The following MAML3 variants were observed in gnomAD, a reference collection of about 807,000 sequenced individuals.
The protein encoded by MAML3 is mastermind-like protein 3.
A neutral mutation model predicts 101.9 loss-of-function variants in MAML3; 27 were observed. The observed-to-expected ratio is 0.27, with a 90% CI of 0.20 to 0.37. MAML3 has a LOEUF of 0.37. MAML3 is among the 10% of genes least tolerant of loss of function. MAML3 has a pLI of 1.00. For synonymous variants in MAML3, 501 were observed against 555.9 expected (o/e 0.90, Z 1.39); for missense variants, 1,316 against 1,444.9 (o/e 0.91, Z 1.45).
intron 1 of MAML3, among the ~76,000 whole-genome samples, chr4:139,993,090 G>T (rs950079256): frequency 1.2e-4 from 19 of 152,176 alleles, no homozygotes; most frequent in African/African-American, 4.6e-4. Context: ...AGTGGCTTAT[G>T]CCTGTAATCC....
chr4:139,860,572 G>C (rs1011303692), intron 2 of MAML3, among the ~76,000 whole-genome samples: 1 of 152,162 alleles, frequency 6.6e-6, no homozygotes, highest in Non-Finnish European at 1.5e-5. Flanking sequence ...CTCAGGAAAG[G>C]CGGGCTTTGT....
At chr4:140,037,724 G>A (rs894485294) in intron 1 of MAML3, among the ~76,000 whole-genome samples, 1 of 152,108 alleles carries the variant, frequency 6.6e-6, no homozygotes, top group African/African-American at 2.4e-5. Context: ...ATAAGACAAG[G>A]CCCACTGAGT....
intron 1 of MAML3, among the ~76,000 whole-genome samples, chr4:140,140,757 T>C (rs1216260630): frequency 6.6e-6 from 1 of 152,230 alleles, no homozygotes; most frequent in African/African-American, 2.4e-5. Context: ...CATTGCCACA[T>C]GTACCTTGTA....
chr4:139,742,149 CTTTTTTTT>C (rs67056013), intron 2 of MAML3, among the ~76,000 whole-genome samples: 1 of 113,690 alleles, frequency 8.8e-6, no homozygotes, highest in Admixed American at 9.0e-5. Context: ...CTTTTCTTTT[CTTTTTTTT>C]TTTTTTTTTG....
chr4:139,922,016 C>T (rs530224393), intron 1 of MAML3, among the ~76,000 whole-genome samples: 15 of 152,222 alleles, frequency 9.9e-5, no homozygotes, highest in African/African-American at 1.4e-4. Context: ...AAATCTGATT[C>T]GGCTCAGCAT....
intron 1 of MAML3, among the ~76,000 whole-genome samples, chr4:140,005,091 G>C (rs138357703): frequency 6.6e-6 from 1 of 152,128 alleles, no homozygotes; most frequent in East Asian, 1.9e-4. Flanking sequence ...TGTGGAGGAC[G>C]GGCTTTGAAC....
At chr4:139,817,147 T>C (rs1328331611) in intron 2 of MAML3, among the ~76,000 whole-genome samples, 1 of 152,226 alleles carries the variant, frequency 6.6e-6, no homozygotes, top group Non-Finnish European at 1.5e-5. Flanking sequence ...TAGCTGGTTC[T>C]GATCCTATCT....
At chr4:139,891,516 G>C (rs1050821800) in intron 1 of MAML3, among the ~76,000 whole-genome samples, 2 of 152,142 alleles carry the variant, frequency 1.3e-5, no homozygotes, top group African/African-American at 2.4e-5. Context: ...GGCCTCAAGT[G>C]ATCAGCCTGC....
chr4:140,107,653 C>T (rs1450419915), intron 1 of MAML3, among the ~76,000 whole-genome samples: 1 of 151,728 alleles, frequency 6.6e-6, no homozygotes, highest in African/African-American at 2.4e-5. Context: ...TACAGGCGCC[C>T]ACCACCACAC....
rs145998964 is a variant in MAML3, at chr4:140,023,873, A to T, written c.468+128987T>A. On this transcript the variant is annotated intron_variant, in intron 1 of 4. Coordinates refer to ENST00000509479, the MANE Select transcript of MAML3 (RefSeq NM_018717.5). The stretch of plus-strand genomic sequence containing the variant: ...TATTGAAAATATATTACTGTCACAC[A>T]GTTTCACAAAATTATTCACCTTTTA... Among the ~76,000 whole-genome samples, 261 of 152,350 alleles carry T rather than the reference A, an allele frequency of 1.7e-3. 1 individual carries two copies. Among genetic ancestry groups the T allele is most frequent in the African/African-American group, 5.9e-3 (245 of 41,580 alleles).
intron 2 of MAML3, among the ~76,000 whole-genome samples, chr4:139,740,929 TCTTC>T (rs1405008270): frequency 6.6e-6 from 1 of 152,188 alleles, no homozygotes; most frequent in African/African-American, 2.4e-5. Flanking sequence ...GTCCCCATGT[TCTTC>T]CTTCCTTCCT....
intron 1 of MAML3, among the ~76,000 whole-genome samples, chr4:140,124,664 T>C (rs1255754321): frequency 1.3e-5 from 2 of 152,212 alleles, no homozygotes; most frequent in African/African-American, 4.8e-5. Context: ...GAAAAGTAGA[T>C]TTAGCATTTG....
intron 1 of MAML3, among the ~76,000 whole-genome samples, chr4:140,036,513 C>A (rs1045957214): frequency 6.6e-6 from 1 of 152,218 alleles, no homozygotes; most frequent in African/African-American, 2.4e-5. Context: ...GCTAGATCAG[C>A]ACCTCTCCTG....
chr4:139,892,930 C>CAA (rs572440211), intron 1 of MAML3, among the ~76,000 whole-genome samples: 15,588 of 69,544 alleles, frequency 0.22, 1,761 homozygotes, highest in African/African-American at 0.35. Flanking sequence ...GACTCCGTCT[C>CAA]AAAAAAAAAA....
intron 2 of MAML3, among the ~76,000 whole-genome samples, chr4:139,873,671 T>TTAA (rs1185887032): frequency 6.6e-6 from 1 of 152,196 alleles, no homozygotes; most frequent in African/African-American, 2.4e-5. Context: ...TAAGCAGCCC[T>TTAA]GTGGGGAGGT....
intron 1 of MAML3, among the ~76,000 whole-genome samples, chr4:140,015,884 C>T (rs953677904): frequency 3.9e-5 from 6 of 152,098 alleles, no homozygotes; most frequent in African/African-American, 7.2e-5. Flanking sequence ...ACCCAAGAGG[C>T]GGCAGTTGTA....
chr4:140,095,692 A>G (rs1000265470), intron 1 of MAML3, among the ~76,000 whole-genome samples: 2 of 151,860 alleles, frequency 1.3e-5, no homozygotes, highest in Non-Finnish European at 2.9e-5. Context: ...GAGCCCCCCA[A>G]TAACATCTGA....
At chr4:139,998,356 T>A (rs1281964075) in intron 1 of MAML3, among the ~76,000 whole-genome samples, 2 of 111,626 alleles carry the variant, frequency 1.8e-5, no homozygotes, top group Non-Finnish European at 3.7e-5. Flanking sequence ...TTTTTAAAAA[T>A]AGATTTCTGT....
At chr4:139,963,521 A>C (rs1734064332) in intron 1 of MAML3, among the ~76,000 whole-genome samples, 1 of 152,240 alleles carries the variant, frequency 6.6e-6, no homozygotes. Flanking sequence ...GGTATGAAGC[A>C]GTTGCCAACA....
Sources: gnomAD v4.1 joint callset for allele counts (sites outside exome capture counted in the v4.1 genomes callset) on GRCh38, gnomAD v4.1.1 for gene constraint, MANE v1.5 for transcripts, NCBI Gene and HGNC (gene_info 2026-07-23, HGNC 2026-07-21) for gene names.